Variants in KMT2E observed in about 807,000 individuals in gnomAD.
The protein encoded by KMT2E is lysine methyltransferase 2E (inactive), also known as histone reader KMT2E.
In KMT2E, 30 loss-of-function variants were observed where a neutral mutation model predicts 184.6. The ratio of observed to expected loss-of-function variants is 0.16; its 90% CI spans 0.12 to 0.22. The LOEUF is 0.22. Among genes scored for constraint, KMT2E ranks in the 10% least tolerant of loss-of-function variants. The probability of loss-of-function intolerance (pLI) is 1.00; values close to 1 mark genes in which losing one functional copy is unlikely to be tolerated. For missense variants in KMT2E, 2,023 were observed against 2,237.4 expected, an observed-to-expected ratio of 0.90 and a Z score of 1.93; for synonymous variants, 815 against 776.5, an observed-to-expected ratio of 1.05 and a Z score of -0.82.
intron 3 of KMT2E, among the ~76,000 whole-genome samples, chr7:105,057,957 G>T (rs751760614): frequency 3.3e-5 from 5 of 152,254 alleles, no homozygotes; most frequent in African/African-American, 1.2e-4. Flanking sequence ...ATTGGGATCC[G>T]ATCGAAATTC....
rs367572354 is a variant in KMT2E, at chr7:105,077,453, C to T, written c.1130+20C>T. 6.3e-7 allele frequency: 1 copy of T among 1,578,638 alleles called. No individual in the cohort carries two copies. The highest frequency in any genetic ancestry group is 8.6e-7 in the Non-Finnish European group (1 of 1,158,068). On this transcript the variant is annotated intron_variant, in intron 11 of 26. Transcript: ENST00000311117. ...TAAAAGGTATATTCATTTATTTTCC[C>T]ATGTTCATTTTCTGTAGGTAAATAT...
At chr7:105,066,861 G>T (rs2129567472) in intron 6 of KMT2E, 54 bp downstream of exon 6, 2 of 1,199,984 alleles carry the variant, frequency 1.7e-6, no homozygotes, top group South Asian at 1.2e-5. Flanking sequence ...GGTAATACTA[G>T]TTAACAGAAA....
In KMT2E at chr7:105,112,163, T is replaced by G. The variant is rs745694602; in HGVS notation, c.4407T>G (p.Pro1469=). 2 of 1,614,126 alleles carry G rather than the reference T, an allele frequency of 1.2e-6. No homozygotes were observed. Among genetic ancestry groups the G allele is most frequent in the Non-Finnish European group, 1.7e-6 (2 of 1,180,016 alleles). The part of the protein sequence containing the change: ...PVQHGYLSPK[P]PSQQLGSPYR... ...AGCATGGTTATCTTTCACCAAAGCC[T>G]CCTTCACAGCAGTTAGGATCTCCCT... The change falls in exon 27 of 27, where the codon CCT becomes CCG. Residue 1469 remains proline, a synonymous_variant. Transcript: ENST00000311117.
intron 26 of KMT2E, among the ~76,000 whole-genome samples, chr7:105,111,393 G>T (rs1333390289): frequency 6.6e-6 from 1 of 151,690 alleles, no homozygotes; most frequent in Non-Finnish European, 1.5e-5. Context: ...AAATGAAAAG[G>T]TATTAAAAAT....
intron 15 of KMT2E, among the ~76,000 whole-genome samples, chr7:105,097,852 C>T (rs569084411): frequency 1.3e-5 from 2 of 152,104 alleles, no homozygotes; most frequent in Non-Finnish European, 2.9e-5. Flanking sequence ...GGTTCTTACT[C>T]ATTTAAAAAC....
chr7:105,026,207 A>G, intron 1 of KMT2E, among the ~76,000 whole-genome samples: 1 of 152,198 alleles, frequency 6.6e-6, no homozygotes, highest in Non-Finnish European at 1.5e-5. Context: ...GGATGGATCC[A>G]ATTACATACT....
At chr7:105,051,517 C>G (rs1177052701) in intron 3 of KMT2E, among the ~76,000 whole-genome samples, 1 of 152,190 alleles carries the variant, frequency 6.6e-6, no homozygotes, top group Non-Finnish European at 1.5e-5. Flanking sequence ...CATCTCTATC[C>G]AGTTGCTTAA....
intron 17 of KMT2E, 24 bp downstream of exon 17, chr7:105,102,218 A>C: frequency 6.5e-7 from 1 of 1,546,602 alleles, no homozygotes; most frequent in Non-Finnish European, 8.7e-7. Flanking sequence ...GAATGTAAGA[A>C]CTGTTTTTCT....
In KMT2E at chr7:105,113,387, C is replaced by T. The variant is rs1290403169; in HGVS notation, c.*54C>T. 3.3e-6 allele frequency: 5 copies of T among 1,525,542 alleles called. No individual in the cohort carries two copies. The highest frequency in any genetic ancestry group is 2.3e-5 in the East Asian group (1 of 43,016). The allele number at this position is 1,525,542 out of a possible 1,614,324, so 94.5% of individuals were successfully genotyped here. A position where few individuals can be genotyped will look rare whatever the true frequency, so the allele number is the denominator to read the frequency against. On this transcript the variant is annotated 3_prime_UTR_variant, in exon 27 of 27. Coordinates refer to ENST00000311117, the MANE Select transcript of KMT2E (RefSeq NM_182931.3). ...GTTCTGTAAGATAAACTGTATATTT[C>T]ATATGTACCTGTTAAGGTACTTTTT...
chr7:105,106,142 C>A, intron 19 of KMT2E, 139 bp downstream of exon 19: 1 of 915,636 alleles, frequency 1.1e-6, no homozygotes, highest in Non-Finnish European at 1.6e-6. Flanking sequence ...CTTTTCTGTC[C>A]TCTGTATTTT....
intron 6 of KMT2E, among the ~76,000 whole-genome samples, chr7:105,070,776 G>T (rs907049843): frequency 6.6e-6 from 1 of 151,668 alleles, no homozygotes; most frequent in Non-Finnish European, 1.5e-5. Flanking sequence ...TTGTGCCACT[G>T]CACTCCAGCC....
At chr7:105,089,797 A>G (rs1349786230) in intron 13 of KMT2E, among the ~76,000 whole-genome samples, 1 of 151,070 alleles carries the variant, frequency 6.6e-6, no homozygotes, top group Non-Finnish European at 1.5e-5. Flanking sequence ...AAGGCCTAAT[A>G]TCTGGTCAGA....
chr7:105,090,370 AT>A (rs1183575196), intron 14 of KMT2E, 97 bp downstream of exon 14: 5 of 1,337,356 alleles, frequency 3.7e-6, no homozygotes, highest in African/African-American at 1.5e-5. Context: ...TGTTTAAAGT[AT>A]TTTTAAGTCC....
At position 105,110,762 on chromosome 7, in the gene KMT2E, G is replaced by A. The variant is rs374037705; in HGVS notation, c.3971-9G>A. The A allele has an allele frequency of 5.6e-6, 9 of 1,610,362 alleles. No individual in the cohort carries two copies. In the African/African-American group the frequency reaches 6.7e-5, roughly 12 times the overall value. On this transcript the variant is annotated splice_polypyrimidine_tract_variant and intron_variant, in intron 25 of 26. Transcript: ENST00000311117. ...TTTATACTTACTATAGGTTTCTTCT[G>A]CTTTATAGACCCTGATCCTGAAAAT... is the stretch of plus-strand genomic sequence containing the variant.
At chr7:105,027,017 A>C (rs1040108237) in intron 1 of KMT2E, among the ~76,000 whole-genome samples, 67 of 150,338 alleles carry the variant, frequency 4.5e-4, no homozygotes, top group African/African-American at 1.6e-3. Flanking sequence ...TGAGCTCACT[A>C]TATGTGGGTT....
chr7:105,099,569 T>C (rs2038919793), intron 15 of KMT2E, among the ~76,000 whole-genome samples: 1 of 152,202 alleles, frequency 6.6e-6, no homozygotes, highest in South Asian at 2.1e-4. Flanking sequence ...ATATTTCTTG[T>C]ATCCCAAACA....
rs369753792 is a variant in KMT2E, at chr7:105,034,798, G to A, written c.-188-3328G>A. Among the ~76,000 whole-genome samples, 3 of 136,400 alleles carry A rather than the reference G, an allele frequency of 2.2e-5. No individual in the cohort carries two copies. In the East Asian group the frequency reaches 6.5e-4, roughly 30 times the overall value. The allele number at this position is 136,400 out of a possible 152,430, so 89.5% of individuals were successfully genotyped here. On this transcript the variant is annotated intron_variant, in intron 1 of 26. Transcript: ENST00000311117. ...CCATTTCTGTAATTTATTACTTTAA[G>A]AATGTTATATAAATGGAGTTAAATA...
Position 105,101,872 on chromosome 7 carries a change from G to C in KMT2E, c.1888-14G>C. 3 of 1,588,854 alleles carry C rather than the reference G, an allele frequency of 1.9e-6. No individual in the cohort carries two copies. The highest frequency in any genetic ancestry group is 3.6e-5 in the Admixed American group (2 of 54,902). On this transcript the variant is annotated splice_polypyrimidine_tract_variant and intron_variant, in intron 16 of 26. Transcript: ENST00000311117. ...GTAGTATAAAAACTTCCATTCGCTT[G>C]TATTTTGAATTAGGAACAAGCAAAA...
chr7:105,073,174 A>G (rs1248708108), intron 6 of KMT2E, among the ~76,000 whole-genome samples: 1 of 151,490 alleles, frequency 6.6e-6, no homozygotes, highest in African/African-American at 2.4e-5. Context: ...TTTGGGAGGC[A>G]GGGGTGGGAG....
Sources: allele counts gnomAD v4.1 joint callset (sites outside exome capture counted in the v4.1 genomes callset), GRCh38; gene constraint gnomAD v4.1.1; transcripts MANE v1.5; gene names NCBI Gene and HGNC (gene_info 2026-07-23, HGNC 2026-07-21).